The following SCNN1G variants were observed in gnomAD, a reference collection of about 807,000 sequenced individuals.
SCNN1G encodes the protein epithelial sodium channel subunit gamma.
Under a neutral mutation model 64.6 loss-of-function variants are expected in SCNN1G, and 27 were observed. That is an observed-to-expected ratio of 0.42 (90% CI 0.31 to 0.58). The LOEUF (loss-of-function observed/expected upper bound fraction) is 0.58. SCNN1G is among the 20% of genes least tolerant of loss of function. SCNN1G has a pLI of 0.18. For synonymous variants in SCNN1G, 330 were observed against 314.2 expected, an observed-to-expected ratio of 1.05 and a Z score of -0.53; for missense variants, 743 against 823.4, an observed-to-expected ratio of 0.90 and a Z score of 1.19.
At position 23,197,347 on chromosome 16, in the gene SCNN1G, C is replaced by A; in HGVS notation, c.997C>A (p.Arg333=). The change falls in exon 6 of 13, where the codon CGG becomes AGG. Residue 333 remains arginine (R), a synonymous_variant. Transcript: ENST00000300061. The part of the protein sequence containing the change: ...SSTGAKVIIH[R]QDEYPFVEDV... ...CACTGGAGCTAAGGTGATCATCCAT[C>A]GGCAGGATGAGTATCCCTTCGTCGA... 6.2e-7 allele frequency: 1 copy of A among 1,613,786 alleles called. No individual in the cohort carries two copies. The highest frequency in any genetic ancestry group is 8.5e-7 in the Non-Finnish European group (1 of 1,179,678).
chr16:23,188,613 T>C (rs1227786332), intron 2 of SCNN1G, among the ~76,000 whole-genome samples: 2 of 152,190 alleles, frequency 1.3e-5, no homozygotes, highest in African/African-American at 4.8e-5. Context: ...GCAAATCCCG[T>C]TTTACAAAGG....
chr16:23,186,235 G>A lies in SCNN1G; in HGVS notation c.-37G>A, dbSNP rs761303892. On this transcript the variant is annotated 5_prime_UTR_variant, in exon 2 of 13. Transcript: ENST00000300061. ...TCTTCTTTGCCCCTCCAGCACGCCCGTCCTCAGAGTCCCGTCCTCAAAGTC... is the reference window on the plus strand; with the variant it reads ...TCTTCTTTGCCCCTCCAGCACGCCCATCCTCAGAGTCCCGTCCTCAAAGTC... The A allele has an allele frequency of 1.2e-5, 19 of 1,609,650 alleles. No individual in the cohort carries two copies. The highest frequency in any genetic ancestry group is 1.5e-5 in the Non-Finnish European group (18 of 1,176,096).
At chr16:23,191,483 T>A (rs1284065437) in intron 3 of SCNN1G, among the ~76,000 whole-genome samples, 1 of 152,124 alleles carries the variant, frequency 6.6e-6, no homozygotes, top group Non-Finnish European at 1.5e-5. Flanking sequence ...CAGGTGGGAG[T>A]GGTGCAATCA....
rs1379253316 is a variant in SCNN1G at position 23,197,191 on chromosome 16, G to A, written c.914-73G>A. On this transcript the variant is annotated intron_variant, in intron 5 of 12. Coordinates refer to ENST00000300061, the MANE Select transcript of SCNN1G (RefSeq NM_001039.4). ...TCTTGGGTTTGAAGCTCCTGAAGCAGTGGGAGAGGTGGTTTACCCCCAGGA... is the reference window on the plus strand; with the variant it reads ...TCTTGGGTTTGAAGCTCCTGAAGCAATGGGAGAGGTGGTTTACCCCCAGGA... 3.9e-6 allele frequency: 5 copies of A among 1,272,600 alleles called. No individual in the cohort carries two copies. In the Admixed American group the frequency reaches 6.9e-5, roughly 17 times the overall value. 78.8% of individuals were successfully genotyped at this position (1,272,600 alleles called of 1,614,324 possible). A position where few individuals can be genotyped will look rare whatever the true frequency, so the allele number is the denominator to read the frequency against.
intron 6 of SCNN1G, among the ~76,000 whole-genome samples, chr16:23,207,221 C>T (rs1261720586): frequency 6.6e-6 from 1 of 152,194 alleles, no homozygotes; most frequent in East Asian, 1.9e-4. Context: ...CCCAGCCACC[C>T]CTGCTGGCTG....
chr16:23,195,249 G>GTTATTACTGCTATTA (rs1466722449), intron 5 of SCNN1G, among the ~76,000 whole-genome samples: 1 of 152,152 alleles, frequency 6.6e-6, no homozygotes, highest in Non-Finnish European at 1.5e-5. Flanking sequence ...AGTTGCTATT[G>GTTATTACTGCTATTA]TTATTACTGC....
intron 8 of SCNN1G, 105 bp from the exon 9 acceptor site, chr16:23,212,573 G>A: frequency 1.1e-6 from 1 of 872,026 alleles, no homozygotes; most frequent in South Asian, 1.3e-5. Context: ...AGTGGGAGGA[G>A]AAATCATTAA....
chr16:23,212,927 G>GC, intron 10 of SCNN1G, 33 bp downstream of exon 10: 1 of 1,607,378 alleles, frequency 6.2e-7, no homozygotes, highest in Non-Finnish European at 8.5e-7. Context: ...CCCCACTGAA[G>GC]CCCCCAGCCT....
At position 23,188,522 on chromosome 16, in the gene SCNN1G, A is replaced by G. The variant is rs969368365; in HGVS notation, c.318-849A>G. The stretch of plus-strand genomic sequence containing the variant: ...GTGAGACCCTGTCTCTAAAATAATA[A>G]CAATAATAGAGGGCATTTAATTATC... On this transcript the variant is annotated intron_variant, in intron 2 of 12. Transcript: ENST00000300061. 5.3e-5 allele frequency among the ~76,000 whole-genome samples: 8 copies of G among 152,152 alleles called. 1 individual carries two copies. Among genetic ancestry groups the G allele is most frequent in the African/African-American group, 1.9e-4 (8 of 41,422 alleles).
chr16:23,189,780 A>T, intron 3 of SCNN1G, 109 bp downstream of exon 3: 1 of 1,086,956 alleles, frequency 9.2e-7, no homozygotes, highest in Non-Finnish European at 1.4e-6. Context: ...GAAGAAATAC[A>T]CCCAGCTGGG....
In SCNN1G at chr16:23,186,203, C is replaced by G. The variant is rs72646487; in HGVS notation, c.-44-25C>G. On this transcript the variant is annotated intron_variant, in intron 1 of 12. Transcript: ENST00000300061. ...AGCCGGCTAGTGCCTGCCAGCTCAC[C>G]TGCTTCTCTTCTTTGCCCCTCCAGC... 1.9e-5 allele frequency: 28 copies of G among 1,511,444 alleles called. No homozygotes were observed. In the African/African-American group the frequency reaches 3.7e-4, roughly 20 times the overall value. 93.6% of individuals were successfully genotyped at this position (1,511,444 alleles called of 1,614,324 possible).
chr16:23,212,732 A>G lies in SCNN1G; in HGVS notation c.1349A>G (p.Gln450Arg). The G allele has an allele frequency of 6.2e-7, 1 of 1,614,190 alleles. No individual in the cohort carries two copies. Among genetic ancestry groups the G allele is most frequent in the Non-Finnish European group, 8.5e-7 (1 of 1,180,026 alleles). Reference sequence around the variant, plus strand: ...TTTGTCCAGGAAGAGCTGGGCTGCCAGTCTGTGTGCAAGGAAGCCTGCAGG... The same window carrying G: ...TTTGTCCAGGAAGAGCTGGGCTGCCGGTCTGTGTGCAAGGAAGCCTGCAGG... The part of the protein sequence containing the change: ...RAFVQEELGC[Q>R]SVCKEACSFK... The change falls in exon 9 of 13, where the codon CAG (glutamine) becomes CGG (arginine). Residue 450 changes from glutamine (Q) to arginine (R), a missense_variant. Coordinates refer to ENST00000300061, the MANE Select transcript of SCNN1G (RefSeq NM_001039.4).
intron 5 of SCNN1G, among the ~76,000 whole-genome samples, 173 bp from the exon 6 acceptor site, chr16:23,197,091 G>A (rs1397779905): frequency 6.6e-6 from 1 of 152,224 alleles, no homozygotes; most frequent in African/African-American, 2.4e-5. Context: ...CAGAGAGCAA[G>A]TCAGGCATGC....
intron 6 of SCNN1G, among the ~76,000 whole-genome samples, chr16:23,206,781 A>G (rs1475561905): frequency 1.3e-5 from 2 of 152,158 alleles, no homozygotes; most frequent in Non-Finnish European, 2.9e-5. Flanking sequence ...ACACATCCAC[A>G]CATACCTATG....
At chr16:23,197,878 CAAA>C (rs10716781) in intron 6 of SCNN1G, among the ~76,000 whole-genome samples, 1 of 144,606 alleles carries the variant, frequency 6.9e-6, no homozygotes, top group Non-Finnish European at 1.5e-5. Flanking sequence ...GACTCCATCT[CAAA>C]AAAAAAAAAA....
intron 6 of SCNN1G, among the ~76,000 whole-genome samples, chr16:23,198,036 G>A (rs893565918): frequency 1.3e-4 from 20 of 152,096 alleles, no homozygotes; most frequent in African/African-American, 4.3e-4. Flanking sequence ...TAAGATTACC[G>A]TCTATCTTTC....
intron 1 of SCNN1G, among the ~76,000 whole-genome samples, chr16:23,183,529 G>A (rs1282524759): frequency 6.6e-6 from 1 of 152,198 alleles, no homozygotes; most frequent in Admixed American, 6.5e-5. Context: ...AGGCAAAGTC[G>A]GTGGTAGGTG....
intron 7 of SCNN1G, among the ~76,000 whole-genome samples, chr16:23,211,699 C>T (rs1169803016): frequency 2.0e-5 from 3 of 152,132 alleles, no homozygotes; most frequent in Non-Finnish European, 2.9e-5. Context: ...GTAATCGCAG[C>T]TACTTGGGAG....
chr16:23,199,509 C>T (rs1959850516), intron 6 of SCNN1G, among the ~76,000 whole-genome samples: 1 of 152,108 alleles, frequency 6.6e-6, no homozygotes, highest in African/African-American at 2.4e-5. Context: ...CAATTGAGAA[C>T]CACACCAGCA....
Sources: allele counts gnomAD v4.1 joint callset (sites outside exome capture counted in the v4.1 genomes callset), GRCh38; gene constraint gnomAD v4.1.1; transcripts MANE v1.5; gene names NCBI Gene and HGNC (gene_info 2026-07-23, HGNC 2026-07-21).